The following ANKS1B variants were observed in gnomAD, a reference collection of about 807,000 sequenced individuals.
The protein encoded by ANKS1B is ankyrin repeat and sterile alpha motif domain containing 1B, also known as ankyrin repeat and sterile alpha motif domain-containing protein 1B.
Under a neutral mutation model 148.3 loss-of-function variants are expected in ANKS1B, and 36 were observed. The observed-to-expected ratio is 0.24, with a 90% confidence interval of 0.19 to 0.32. ANKS1B has a LOEUF of 0.32. Ranked by LOEUF, ANKS1B falls within the 10% of genes least tolerant of loss-of-function variation. ANKS1B has a pLI of 1.00. For missense variants in ANKS1B, 1,157 were observed against 1,542.6 expected (o/e 0.75, Z 4.19); for synonymous variants, 542 against 560.8 (o/e 0.97, Z 0.47).
chr12:99,648,037 T>C, intron 9 of ANKS1B: 1 of 1,231,204 alleles, frequency 8.1e-7, no homozygotes, highest in Non-Finnish European at 1.1e-6. Context: ...CTCAGTCACT[T>C]GGGGACAAAA....
chr12:99,971,830 G>C (rs754581733), intron 1 of ANKS1B, among the ~76,000 whole-genome samples: 1 of 152,152 alleles, frequency 6.6e-6, no homozygotes, highest in Non-Finnish European at 1.5e-5. Flanking sequence ...ATACAACTTT[G>C]TTCCATATCT....
intron 17 of ANKS1B, among the ~76,000 whole-genome samples, chr12:99,042,089 G>A (rs2099959423): frequency 6.6e-6 from 1 of 151,990 alleles, no homozygotes; most frequent in South Asian, 2.1e-4. Context: ...AAATCTCTGG[G>A]GTGCACTGAT....
At chr12:99,093,760 A>G (rs1441862003) in intron 15 of ANKS1B, 1 of 152,212 alleles carries the variant, frequency 6.6e-6, no homozygotes, top group Non-Finnish European at 1.5e-5. Context: ...GTCTTCAAAG[A>G]ACAGACATCC....
intron 11 of ANKS1B, among the ~76,000 whole-genome samples, chr12:99,432,194 A>C (rs1270509167): frequency 6.6e-6 from 1 of 152,172 alleles, no homozygotes; most frequent in Non-Finnish European, 1.5e-5. Context: ...TGAGTTAAAT[A>C]AGCCTCTTTT....
chr12:99,732,947 C>T (rs190154936), intron 8 of ANKS1B, among the ~76,000 whole-genome samples: 3 of 151,784 alleles, frequency 2.0e-5, no homozygotes, highest in Admixed American at 2.0e-4. Context: ...TTATCTTAAG[C>T]CAGATTTGTG....
chr12:98,827,041 TCAA>T (rs1414847203), intron 19 of ANKS1B, among the ~76,000 whole-genome samples: 2 of 152,180 alleles, frequency 1.3e-5, no homozygotes, highest in Admixed American at 6.5e-5. Context: ...ATTGAATTAT[TCAA>T]CAACAAGATG....
At chr12:99,681,649 C>G (rs1412667802) in intron 8 of ANKS1B, among the ~76,000 whole-genome samples, 1 of 152,214 alleles carries the variant, frequency 6.6e-6, no homozygotes, top group African/African-American at 2.4e-5. Context: ...AAGAACACCA[C>G]ATCAAGAGAG....
chr12:98,841,309 C>T (rs1192309727), intron 17 of ANKS1B, among the ~76,000 whole-genome samples: 1 of 152,112 alleles, frequency 6.6e-6, no homozygotes, highest in African/African-American at 2.4e-5. Context: ...AGCTCTAAGA[C>T]AAATTGAGTC....
At chr12:99,534,540 C>T (rs191931823) in intron 9 of ANKS1B, among the ~76,000 whole-genome samples, 1 of 152,208 alleles carries the variant, frequency 6.6e-6, no homozygotes, top group East Asian at 1.9e-4. Flanking sequence ...ACATTCGAGG[C>T]TGTGAAATTG....
chr12:98,757,177 T>C (rs1033711680), intron 25 of ANKS1B, among the ~76,000 whole-genome samples: 1 of 152,118 alleles, frequency 6.6e-6, no homozygotes, highest in Non-Finnish European at 1.5e-5. Context: ...GCTCAAGATT[T>C]GGGAGTGAAG....
At chr12:98,889,796 A>G (rs116243295) in intron 17 of ANKS1B, among the ~76,000 whole-genome samples, 1,904 of 152,308 alleles carry the variant, frequency 0.013, 33 homozygotes, top group African/African-American at 0.041. Context: ...TTTTGGTTTT[A>G]GTTAAAGCTT....
intron 12 of ANKS1B, among the ~76,000 whole-genome samples, chr12:99,262,804 C>T (rs1215491666): frequency 1.3e-5 from 2 of 151,776 alleles, no homozygotes; most frequent in African/African-American, 4.8e-5. Flanking sequence ...ATAACTGATA[C>T]ATTTGATTTT....
At chr12:99,623,611 G>C (rs1272582619) in intron 9 of ANKS1B, among the ~76,000 whole-genome samples, 1 of 151,556 alleles carries the variant, frequency 6.6e-6, no homozygotes, top group Non-Finnish European at 1.5e-5. Context: ...AATAACATTT[G>C]GCTCTTATCT....
chr12:99,861,242 A>C (rs960000243), intron 1 of ANKS1B, among the ~76,000 whole-genome samples: 4 of 152,242 alleles, frequency 2.6e-5, no homozygotes, highest in African/African-American at 9.6e-5. Flanking sequence ...TTCTTTGCTC[A>C]AATTAACTGT....
intron 17 of ANKS1B, among the ~76,000 whole-genome samples, chr12:98,991,517 C>T (rs966164354): frequency 6.6e-6 from 1 of 152,022 alleles, no homozygotes; most frequent in Admixed American, 6.6e-5. Flanking sequence ...TAAATACAAC[C>T]ATGTAATGTT....
At chr12:98,957,311 A>ATT (rs2099863949) in intron 17 of ANKS1B, among the ~76,000 whole-genome samples, 2 of 143,874 alleles carry the variant, frequency 1.4e-5, no homozygotes, top group Non-Finnish European at 3.0e-5. Context: ...TTTTTTTTAA[A>ATT]TATTTATTTA....
intron 1 of ANKS1B, among the ~76,000 whole-genome samples, chr12:99,862,050 T>G (rs2090103275): frequency 1.3e-5 from 2 of 152,212 alleles, no homozygotes; most frequent in African/African-American, 4.8e-5. Flanking sequence ...TCTCTCATTC[T>G]TCATTGTAAT....
chr12:99,783,078 C>T (rs957024198), intron 4 of ANKS1B, among the ~76,000 whole-genome samples: 6 of 151,932 alleles, frequency 3.9e-5, no homozygotes, highest in East Asian at 1.9e-4. Context: ...GTAATCCCAG[C>T]TACTCAGGAG....
chr12:98,816,527 T>G (rs1329078556), intron 19 of ANKS1B, among the ~76,000 whole-genome samples: 1 of 152,126 alleles, frequency 6.6e-6, no homozygotes, highest in East Asian at 1.9e-4. Context: ...CCTGGCCTTA[T>G]AGGATCCCCT....
Sources: gnomAD v4.1 joint callset for allele counts (sites outside exome capture counted in the v4.1 genomes callset) on GRCh38, gnomAD v4.1.1 for gene constraint, MANE v1.5 for transcripts, NCBI Gene and HGNC (gene_info 2026-07-23, HGNC 2026-07-21) for gene names.